Variants in NIM1K observed in about 807,000 individuals in gnomAD.
The protein encoded by NIM1K is serine/threonine-protein kinase NIM1.
In NIM1K, 35 loss-of-function variants were observed where a neutral mutation model predicts 37.1. That is an observed-to-expected ratio of 0.94 (90% CI 0.72 to 1.25). The LOEUF is 1.25. NIM1K is among the 50% of genes most tolerant of loss of function. The pLI is 0.00. For missense variants in NIM1K, 564 were observed against 548.0 expected (o/e 1.03, Z -0.29); for synonymous variants, 234 against 206.6 (o/e 1.13, Z -1.14).
chr5:43,240,179 T>G (rs1306549842), intron 1 of NIM1K: 1 of 151,968 alleles, frequency 6.6e-6, no homozygotes, highest in Non-Finnish European at 1.5e-5. Flanking sequence ...GTTCAAGTGA[T>G]TCTCCCACTT....
intron 1 of NIM1K, among the ~76,000 whole-genome samples, chr5:43,225,143 G>C (rs1174686480): frequency 6.6e-6 from 1 of 151,832 alleles, no homozygotes; most frequent in Non-Finnish European, 1.5e-5. Flanking sequence ...ATAGTGGCCA[G>C]TGTGGAATTA....
At chr5:43,214,341 TAC>T (rs984884223) in intron 1 of NIM1K, among the ~76,000 whole-genome samples, 2 of 152,122 alleles carry the variant, frequency 1.3e-5, no homozygotes, top group Admixed American at 6.6e-5. Context: ...CCCAGAAGTA[TAC>T]ATGGTAAACT....
intron 1 of NIM1K, chr5:43,207,634 G>C: frequency 3.2e-6 from 2 of 620,926 alleles, no homozygotes; most frequent in South Asian, 1.4e-5. Flanking sequence ...TTACACAGGG[G>C]AACTGTGTCA....
intron 1 of NIM1K, chr5:43,232,512 G>T: frequency 2.6e-6 from 4 of 1,553,338 alleles, no homozygotes; most frequent in Non-Finnish European, 3.5e-6. Context: ...TAGGTTGGGC[G>T]TTCAGTATCA....
At chr5:43,255,473 G>T (rs560616861) in intron 2 of NIM1K, among the ~76,000 whole-genome samples, 1 of 152,138 alleles carries the variant, frequency 6.6e-6, no homozygotes, top group Non-Finnish European at 1.5e-5. Context: ...AAAGAGGGCC[G>T]GGCGCGGTCG....
intron 1 of NIM1K, among the ~76,000 whole-genome samples, chr5:43,222,907 G>A (rs992690751): frequency 5.9e-5 from 9 of 152,046 alleles, no homozygotes; most frequent in Admixed American, 2.6e-4. Context: ...TTCGGAGGCC[G>A]AGGTGGGCAG....
intron 1 of NIM1K, among the ~76,000 whole-genome samples, chr5:43,204,021 C>T (rs1259805481): frequency 6.8e-6 from 1 of 146,462 alleles, no homozygotes; most frequent in Non-Finnish European, 1.5e-5. Context: ...AGTTAAACTC[C>T]ATCTCCAAAA....
intron 1 of NIM1K, chr5:43,242,825 G>A (rs748477100): frequency 1.3e-5 from 2 of 150,850 alleles, no homozygotes; most frequent in African/African-American, 2.5e-5. Flanking sequence ...TTTTCAGATG[G>A]CGTTTCACTC....
At chr5:43,273,323 C>A (rs547791627) in intron 2 of NIM1K, among the ~76,000 whole-genome samples, 1 of 152,084 alleles carries the variant, frequency 6.6e-6, no homozygotes, top group East Asian at 1.9e-4. Flanking sequence ...CCTGTCTCAG[C>A]CTCCCAAGTA....
intron 2 of NIM1K, among the ~76,000 whole-genome samples, chr5:43,249,857 T>G (rs1016498347): frequency 1.4e-5 from 2 of 147,422 alleles, no homozygotes; most frequent in East Asian, 2.0e-4. Flanking sequence ...TTAGTTTTTT[T>G]TTTTTTTTTT....
chr5:43,232,693 T>A lies in NIM1K; in HGVS notation c.-694-12389T>A, dbSNP rs906462579. ...CTGCAGCTTGGACTTCTTGCCGTAA[T>A]CAACCGGGAGTTGTTCCATGAGCGG... On this transcript the variant is annotated intron_variant, in intron 1 of 3. Transcript: ENST00000326035. The A allele has an allele frequency of 1.6e-5, 24 of 1,477,002 alleles. No homozygotes were observed. The African/African-American group carries it at 3.2e-4, about 20-fold the overall frequency. The allele number at this position is 1,477,002 out of a possible 1,614,324, so 91.5% of individuals were successfully genotyped here.
intron 2 of NIM1K, among the ~76,000 whole-genome samples, chr5:43,256,323 G>T (rs1379810059): frequency 6.6e-6 from 1 of 152,208 alleles, no homozygotes; most frequent in African/African-American, 2.4e-5. Context: ...AGTGGCTGGA[G>T]CTTGGCGGTA....
chr5:43,245,649 C>T lies in NIM1K; in HGVS notation c.-127C>T, dbSNP rs578056870. 16 of 887,186 alleles carry T rather than the reference C, an allele frequency of 1.8e-5. No individual in the cohort carries two copies. In the South Asian group the frequency reaches 2.8e-4, roughly 16 times the overall value. 55.0% of individuals were successfully genotyped at this position (887,186 alleles called of 1,614,324 possible). Reference sequence around the variant, plus strand: ...AAGCCGAGAGGGAGGCTGCTCAGCTCTCAGGAAAACTCTTTTGAACCCTGG... The same window carrying T: ...AAGCCGAGAGGGAGGCTGCTCAGCTTTCAGGAAAACTCTTTTGAACCCTGG... On this transcript the variant is annotated 5_prime_UTR_variant, in exon 2 of 4. Transcript: ENST00000326035.
intron 2 of NIM1K, among the ~76,000 whole-genome samples, chr5:43,263,328 T>G (rs1359017573): frequency 6.6e-6 from 1 of 152,186 alleles, no homozygotes; most frequent in Non-Finnish European, 1.5e-5. Flanking sequence ...TCTTCCTGGT[T>G]TAGTCTTGGG....
intron 1 of NIM1K, among the ~76,000 whole-genome samples, chr5:43,206,382 C>T (rs929474446): frequency 6.8e-5 from 7 of 102,384 alleles, no homozygotes; most frequent in African/African-American, 2.6e-4. Flanking sequence ...TTCCTGTAGT[C>T]CCAGTTACTT....
In NIM1K at chr5:43,213,165, T is replaced by TTTCTTTC. The variant is rs1752229273; in HGVS notation, c.-695+20756_-695+20757insCTTTCTT. On this transcript the variant is annotated intron_variant, in intron 1 of 3. Transcript: ENST00000326035. ...AAATCTCCATTTTCTTTCTTTCTTT[T>TTTCTTTC]TTTCTTTCTTTCTTTCTTTCTTTCT... Among the ~76,000 whole-genome samples, 4 of 39,134 alleles carry TTTCTTTC rather than the reference T, an allele frequency of 1.0e-4. 1 individual carries two copies. Among genetic ancestry groups the TTTCTTTC allele is most frequent in the African/African-American group, 1.9e-4 (2 of 10,498 alleles). The allele number at this position is 39,134 out of a possible 152,430, so 25.7% of individuals were successfully genotyped here. A position where few individuals can be genotyped will look rare whatever the true frequency, so the allele number is the denominator to read the frequency against.
chr5:43,277,269 T>C lies in NIM1K; in HGVS notation c.505T>C (p.Ser169Pro). The C allele has an allele frequency of 6.2e-7, 1 of 1,614,112 alleles. No homozygotes were observed. The highest frequency in any genetic ancestry group is 8.5e-7 in the Non-Finnish European group (1 of 1,180,004). Residue 169 changes from serine (S) to proline (P), a missense_variant, in exon 3 of 4, where the codon TCT becomes CCT. By Grantham distance (74) the Ser-to-Pro change is moderately conservative (BLOSUM62 -1). Coordinates refer to ENST00000326035, the MANE Select transcript of NIM1K (RefSeq NM_153361.4). Reference sequence around the variant, plus strand: ...AAAAATTAGCACTGAGGGGAAGCTCTCTGAACCAGAAAGCAAGCTCATCTT... The same window carrying C: ...AAAAATTAGCACTGAGGGGAAGCTCCCTGAACCAGAAAGCAAGCTCATCTT... ...FGKISTEGKL[S>P]EPESKLIFSQ...
Position 43,280,608 on chromosome 5 carries a change from A to T in NIM1K, c.1190A>T (p.Lys397Met). ...ATTATTTTACATAGAGTCCAAAGGA[A>T]GAAGGCTTTGGAAAGTGTCCCAGTC... ...YRIILHRVQR[K>M]KALESVPVMM... Residue 397 changes from lysine to methionine, a missense_variant, in exon 4 of 4, where the codon AAG (lysine) becomes ATG (methionine). Transcript: ENST00000326035. The T allele has an allele frequency of 6.2e-7, 1 of 1,614,154 alleles. No individual in the cohort carries two copies. Among genetic ancestry groups the T allele is most frequent in the Non-Finnish European group, 8.5e-7 (1 of 1,180,000 alleles).
chr5:43,258,779 A>AT (rs1554016293), intron 2 of NIM1K, among the ~76,000 whole-genome samples: 2 of 151,724 alleles, frequency 1.3e-5, no homozygotes, highest in African/African-American at 4.8e-5. Flanking sequence ...TTACTTATAA[A>AT]TTTTTTTTCA....
Sources: gnomAD v4.1 joint callset for allele counts (sites outside exome capture counted in the v4.1 genomes callset) on GRCh38, gnomAD v4.1.1 for gene constraint, MANE v1.5 for transcripts, NCBI Gene and HGNC (gene_info 2026-07-23, HGNC 2026-07-21) for gene names.